The following CDYL variants were observed in gnomAD, a reference collection of about 807,000 sequenced individuals.
The protein encoded by CDYL is chromodomain Y like.
In CDYL, 8 loss-of-function variants were observed where a neutral mutation model predicts 47.3. The observed-to-expected ratio is 0.17, with a 90% CI of 0.10 to 0.31. The LOEUF (loss-of-function observed/expected upper bound fraction) is 0.31, where lower values mean the gene tolerates loss of function less well. CDYL is among the 10% of genes least tolerant of loss of function. The pLI is 1.00. For synonymous variants in CDYL, 266 were observed against 265.0 expected, an observed-to-expected ratio of 1.00 and a Z score of -0.04; for missense variants, 471 against 701.4, an observed-to-expected ratio of 0.67 and a Z score of 3.71.
chr6:4,717,703 C>CAAAAAAAAAAAAAAAAAA (rs200835710), intron 2 of CDYL, among the ~76,000 whole-genome samples: 3 of 49,348 alleles, frequency 6.1e-5, no homozygotes, highest in African/African-American at 2.8e-4. Flanking sequence ...AAGACCCTCA[C>CAAAAAAAAAAAAAAAAAA]AAAAAAAAAA....
chr6:4,770,437 T>A (rs1349903577), intron 3 of CDYL, among the ~76,000 whole-genome samples: 2 of 152,244 alleles, frequency 1.3e-5, no homozygotes, highest in Non-Finnish European at 2.9e-5. Context: ...AAATGTTAGC[T>A]ATGATTTTTA....
chr6:4,721,047 C>T (rs1757359441), intron 2 of CDYL, among the ~76,000 whole-genome samples: 1 of 151,810 alleles, frequency 6.6e-6, no homozygotes, highest in Non-Finnish European at 1.5e-5. Flanking sequence ...TGATCTGCCT[C>T]TGAGGAGCTA....
At chr6:4,745,902 G>T (rs1582305384) in intron 3 of CDYL, among the ~76,000 whole-genome samples, 1 of 152,212 alleles carries the variant, frequency 6.6e-6, no homozygotes, top group African/African-American at 2.4e-5. Context: ...GCAGGAGAAA[G>T]CATGTGTTCA....
At chr6:4,777,625 T>C (rs1458660081) in intron 1 of CDYL, among the ~76,000 whole-genome samples, 1 of 152,210 alleles carries the variant, frequency 6.6e-6, no homozygotes, top group Non-Finnish European at 1.5e-5. Flanking sequence ...TTCACATGTA[T>C]TTATAAATAA....
chr6:4,902,347 A>G (rs1008999940), intron 2 of CDYL, among the ~76,000 whole-genome samples: 1 of 150,734 alleles, frequency 6.6e-6, no homozygotes, highest in Non-Finnish European at 1.5e-5. Context: ...CAGAGGTTGC[A>G]GTGAGCCAAG....
At chr6:4,883,771 G>A (rs1271400871) in intron 1 of CDYL, among the ~76,000 whole-genome samples, 1 of 152,168 alleles carries the variant, frequency 6.6e-6, no homozygotes, top group Non-Finnish European at 1.5e-5. Flanking sequence ...ATGCAACACT[G>A]AGACTGCACT....
intron 2 of CDYL, among the ~76,000 whole-genome samples, chr6:4,900,822 TATATATA>T (rs1757023942): frequency 1.1e-5 from 1 of 89,176 alleles, no homozygotes; most frequent in Non-Finnish European, 2.3e-5. Flanking sequence ...TATATATATA[TATATATA>T]TCTTGCCTGT....
chr6:4,948,599 G>A (rs3789799), intron 5 of CDYL, among the ~76,000 whole-genome samples: 80,003 of 151,874 alleles, frequency 0.53, 23,265 homozygotes, highest in East Asian at 0.75. Context: ...GGAGATGGCC[G>A]TTAGCAGAGG....
At chr6:4,725,044 G>A (rs185437100) in intron 2 of CDYL, among the ~76,000 whole-genome samples, 1 of 152,066 alleles carries the variant, frequency 6.6e-6, no homozygotes, top group Non-Finnish European at 1.5e-5. Flanking sequence ...TCCCTGAGCT[G>A]GACACAAAAG....
At chr6:4,734,632 G>C in intron 2 of CDYL, 1 of 1,270,898 alleles carries the variant, frequency 7.9e-7, no homozygotes, top group Non-Finnish European at 1.1e-6. Context: ...TCTATGTTCA[G>C]TTAGACTCCT....
intron 1 of CDYL, among the ~76,000 whole-genome samples, chr6:4,793,726 G>A (rs538162011): frequency 2.0e-5 from 3 of 152,310 alleles, no homozygotes; most frequent in Admixed American, 2.0e-4. Context: ...GTGACATTGG[G>A]AGGTAGTAAG....
intron 1 of CDYL, among the ~76,000 whole-genome samples, chr6:4,889,057 T>C (rs776816893): frequency 6.6e-6 from 1 of 152,144 alleles, no homozygotes; most frequent in Non-Finnish European, 1.5e-5. Context: ...TCTGCTGTTG[T>C]TGGGTGCAGA....
rs1398372399 is a variant in CDYL at position 4,776,815 on chromosome 6, C to G, written c.24+8C>G. ...TCCGAGGAGCTGTACGAGGTACCTC[C>G]CCTCCCCCCGGCCTCGGGCCGCCCC... On this transcript the variant is annotated splice_region_variant and intron_variant, in intron 1 of 6. Transcript: ENST00000397588. 26 of 1,061,998 alleles carry G rather than the reference C, an allele frequency of 2.4e-5. No individual in the cohort carries two copies. In the East Asian group the frequency reaches 8.4e-4, roughly 34 times the overall value. The allele number at this position is 1,061,998 out of a possible 1,614,324, so 65.8% of individuals were successfully genotyped here. A position where few individuals can be genotyped will look rare whatever the true frequency, so the allele number is the denominator to read the frequency against.
chr6:4,831,022 G>T (rs1207530392), intron 1 of CDYL, among the ~76,000 whole-genome samples: 6 of 152,016 alleles, frequency 3.9e-5, no homozygotes, highest in Non-Finnish European at 7.4e-5. Flanking sequence ...ATTAGGGTTG[G>T]TTCCAAGTCT....
chr6:4,733,095 C>T (rs1757638924), intron 2 of CDYL: 1 of 152,334 alleles, frequency 6.6e-6, no homozygotes, highest in South Asian at 2.1e-4. Flanking sequence ...GGTACAGATT[C>T]CCTATACACA....
intron 2 of CDYL, chr6:4,724,311 A>G (rs1012179818): frequency 6.6e-6 from 1 of 151,836 alleles, no homozygotes; most frequent in South Asian, 2.1e-4. Context: ...TTGGCCTCCC[A>G]ACGTGATGGG....
intron 1 of CDYL, among the ~76,000 whole-genome samples, chr6:4,851,836 A>G (rs368640145): frequency 1.3e-5 from 2 of 152,224 alleles, no homozygotes; most frequent in Non-Finnish European, 2.9e-5. Flanking sequence ...GGAATGGTCC[A>G]GGACTGAGGA....
At chr6:4,861,929 C>A (rs1049502315) in intron 1 of CDYL, among the ~76,000 whole-genome samples, 2 of 152,178 alleles carry the variant, frequency 1.3e-5, no homozygotes, top group East Asian at 3.8e-4. Flanking sequence ...AATCCAGCAT[C>A]CAGTACAAAG....
chr6:4,891,995 A>C lies in CDYL; in HGVS notation c.307A>C (p.Lys103Gln), dbSNP rs367701620. ...KTSPKALVIG[K>Q]DHESKNSQLF... ...CTCTCCTAAGGCACTCGTGATTGGG[A>C]AAGACCACGAATCCAAAAACAGCCA... is the stretch of plus-strand genomic sequence containing the variant. The change falls in exon 2 of 7, where the codon AAA (lysine) becomes CAA (glutamine). Residue 103 changes from lysine (K) to glutamine (Q), a missense_variant. Lys to Gln is a moderately conservative substitution (Grantham distance 53). Around this residue, in one of 3 missense-constraint regions of CDYL, gnomAD observed 311 missense variants for 350.0 expected, o/e 0.89. Coordinates refer to ENST00000397588, the MANE Select transcript of CDYL (RefSeq NM_004824.4). The C allele has an allele frequency of 8.7e-6, 14 of 1,614,128 alleles. No individual in the cohort carries two copies. The Admixed American group carries it at 2.3e-4, about 27-fold the overall frequency.
Sources: allele counts gnomAD v4.1 joint callset (sites outside exome capture counted in the v4.1 genomes callset), GRCh38; gene constraint gnomAD v4.1.1; regional missense constraint gnomAD v4.1.1; transcripts MANE v1.5; gene names NCBI Gene and HGNC (gene_info 2026-07-23, HGNC 2026-07-21).